ANK3: variants seen among roughly 807,000 people sequenced by gnomAD.
The protein encoded by ANK3 is ankyrin 3.
Under a neutral mutation model 370.9 loss-of-function variants are expected in ANK3, and 57 were observed. That is an observed-to-expected ratio of 0.15 (90% CI 0.12 to 0.19). ANK3 has a LOEUF of 0.19. Ranked by LOEUF, ANK3 falls within the 10% of genes least tolerant of loss-of-function variation. ANK3 has a pLI of 1.00. For synonymous variants in ANK3, 1,929 were observed against 1,946.3 expected, an observed-to-expected ratio of 0.99 and a Z score of 0.23; for missense variants, 4,439 against 5,302.1, an observed-to-expected ratio of 0.84 and a Z score of 5.06.
At chr10:60,542,542 A>G (rs2076873751) in intron 2 of ANK3, among the ~76,000 whole-genome samples, 1 of 152,024 alleles carries the variant, frequency 6.6e-6, no homozygotes, top group Non-Finnish European at 1.5e-5. Context: ...GATAAAAAGA[A>G]AGGGGAAAAA....
intron 1 of ANK3, among the ~76,000 whole-genome samples, chr10:60,317,504 C>T (rs564671421): frequency 4.5e-4 from 69 of 152,036 alleles, no homozygotes; most frequent in Non-Finnish European, 9.1e-4. Context: ...GCACTTAGCA[C>T]CTTCTATTAC....
chr10:60,633,813 G>T (rs148048564), intron 1 of ANK3, among the ~76,000 whole-genome samples: 4 of 152,108 alleles, frequency 2.6e-5, no homozygotes, highest in African/African-American at 9.7e-5. Context: ...TCCATATTGG[G>T]TTCTCTCTTT....
chr10:60,612,654 G>A (rs2133319639), intron 2 of ANK3, among the ~76,000 whole-genome samples: 1 of 152,238 alleles, frequency 6.6e-6, no homozygotes. Context: ...ACCATGCCCG[G>A]CTAATTTTTT....
At chr10:60,550,296 C>A (rs1245495636) in intron 2 of ANK3, among the ~76,000 whole-genome samples, 1 of 151,712 alleles carries the variant, frequency 6.6e-6, no homozygotes, top group Non-Finnish European at 1.5e-5. Flanking sequence ...GATTAAGACA[C>A]ATAAGCAGCT....
intron 1 of ANK3, among the ~76,000 whole-genome samples, chr10:60,300,912 T>C (rs2043556905): frequency 6.6e-6 from 1 of 152,076 alleles, no homozygotes; most frequent in Admixed American, 6.6e-5. Flanking sequence ...TAGACATGTA[T>C]ACCTACAGTT....
chr10:60,059,369 A>G lies in ANK3; in HGVS notation c.12657T>C (p.Thr4219=). ...LESCAQARRV[T]GGLLDRLDDS... is the part of the protein sequence containing the mutation. ...CATCCAGTCGATCTAGTAACCCACC[A>G]GTTACTCTTCGAGCTTGAGCGCAGG... The change falls in exon 41 of 44, where the codon ACT becomes ACC. Residue 4219 remains threonine, a synonymous_variant. Transcript: ENST00000280772. The G allele has an allele frequency of 1.2e-6, 2 of 1,614,010 alleles. No homozygotes were observed. The highest frequency in any genetic ancestry group is 1.7e-6 in the Non-Finnish European group (2 of 1,179,920).
rs1348610187 is a variant in ANK3, at chr10:60,075,576, T to C, written c.5305A>G (p.Thr1769Ala). ...ATDTVEKVFS[T>A]TTAMPFSPLR... is the part of the protein sequence containing the mutation. Reference sequence around the variant, plus strand: ...GGGGAAAATGGCATTGCAGTCGTGGTAGAAAACACTTTCTCAACTGTGTCA... The same window carrying C: ...GGGGAAAATGGCATTGCAGTCGTGGCAGAAAACACTTTCTCAACTGTGTCA... The change falls in exon 37 of 44, where the codon ACC (threonine) becomes GCC (alanine). Residue 1769 changes from threonine to alanine, a missense_variant. Thr to Ala is a moderately conservative substitution (Grantham distance 58, BLOSUM62 0). This residue lies in a region of ANK3 where 679 missense variants were observed against 791.0 expected (regional missense o/e 0.86). Transcript: ENST00000280772. 3 of 1,614,100 alleles carry C rather than the reference T, an allele frequency of 1.9e-6. No homozygotes were observed. Among genetic ancestry groups the C allele is most frequent in the Admixed American group, 1.7e-5 (1 of 59,994 alleles).
intron 2 of ANK3, among the ~76,000 whole-genome samples, chr10:60,412,709 T>C (rs1429711638): frequency 6.6e-6 from 1 of 152,242 alleles, no homozygotes. Flanking sequence ...AGACTGTCTG[T>C]AATTTTCACT....
chr10:60,026,573 A>G lies in ANK3; in HGVS notation c.*3273T>C, dbSNP rs1426393691. ...AGCCAAACGTGAGCTGATGCTGACA[A>G]TAGTTTATTGGCCATGGAGAAAATC... is the stretch of plus-strand genomic sequence containing the variant. On this transcript the variant is annotated 3_prime_UTR_variant, in exon 44 of 44. Coordinates refer to ENST00000280772, the MANE Select transcript of ANK3 (RefSeq NM_020987.5). 6.6e-6 allele frequency: 1 copy of G among 152,228 alleles called. No individual in the cohort carries two copies. The highest frequency in any genetic ancestry group is 2.4e-5 in the African/African-American group (1 of 41,456). The allele number at this position is 152,228 out of a possible 1,614,324, so 9.4% of individuals were successfully genotyped here.
rs577133992 is a variant in ANK3, at chr10:60,029,738, G to A, written c.*108C>T. 11 of 151,620 alleles carry A rather than the reference G, an allele frequency of 7.3e-5. 1 individual carries two copies. The highest frequency in any genetic ancestry group is 1.5e-4 in the Non-Finnish European group (10 of 67,784). 9.4% of individuals were successfully genotyped at this position (151,620 alleles called of 1,614,324 possible). Reference sequence around the variant, plus strand: ...CATGCCATTAATGTGTGGAAGCAGCGAACACACACACACTTCTCGGTGAAT... The same window carrying A: ...CATGCCATTAATGTGTGGAAGCAGCAAACACACACACACTTCTCGGTGAAT... On this transcript the variant is annotated 3_prime_UTR_variant, in exon 44 of 44. Coordinates refer to ENST00000280772, the MANE Select transcript of ANK3 (RefSeq NM_020987.5).
intron 27 of ANK3, among the ~76,000 whole-genome samples, chr10:60,106,306 G>C (rs546456616): frequency 6.6e-6 from 1 of 151,974 alleles, no homozygotes; most frequent in Non-Finnish European, 1.5e-5. Flanking sequence ...GATTTAATGG[G>C]GGAAATTTTT....
chr10:60,591,302 A>T (rs2077907953), intron 2 of ANK3, among the ~76,000 whole-genome samples: 2 of 95,826 alleles, frequency 2.1e-5, no homozygotes, highest in Admixed American at 1.2e-4. Context: ...TTTTATTTTT[A>T]TTTTATTTAT....
intron 1 of ANK3, among the ~76,000 whole-genome samples, chr10:60,307,357 G>A (rs1391570492): frequency 6.6e-6 from 1 of 152,036 alleles, no homozygotes; most frequent in African/African-American, 2.4e-5. Context: ...TATAGAGACA[G>A]AGTCCCAGTC....
At chr10:60,078,040 C>A (rs1457404681) in intron 36 of ANK3, among the ~76,000 whole-genome samples, 1 of 152,228 alleles carries the variant, frequency 6.6e-6, no homozygotes, top group Non-Finnish European at 1.5e-5. Flanking sequence ...TTTGCAAGGC[C>A]TGCCAACGGC....
chr10:60,684,445 G>C, intron 1 of ANK3: 1 of 966,728 alleles, frequency 1.0e-6, no homozygotes, highest in Non-Finnish European at 1.5e-6. Flanking sequence ...CCTACGAAGA[G>C]AAGTCCTAAG....
chr10:60,516,887 C>G (rs890164008), intron 2 of ANK3, among the ~76,000 whole-genome samples: 1 of 152,072 alleles, frequency 6.6e-6, no homozygotes, highest in East Asian at 1.9e-4. Flanking sequence ...AGACAATGCT[C>G]TTCTTAAAAC....
chr10:60,426,393 T>C (rs141663592), intron 2 of ANK3, among the ~76,000 whole-genome samples: 4 of 152,298 alleles, frequency 2.6e-5, no homozygotes, highest in African/African-American at 9.6e-5. Context: ...TAATAACCTA[T>C]ACAAAGCCTC....
intron 1 of ANK3, among the ~76,000 whole-genome samples, chr10:60,302,745 A>T (rs1225936607): frequency 6.6e-6 from 1 of 152,224 alleles, no homozygotes; most frequent in Non-Finnish European, 1.5e-5. Flanking sequence ...AGCAAAAACA[A>T]CAAAGCTAGA....
At chr10:60,526,427 T>C (rs61855293) in intron 2 of ANK3, among the ~76,000 whole-genome samples, 1 of 152,140 alleles carries the variant, frequency 6.6e-6, no homozygotes, top group Non-Finnish European at 1.5e-5. Context: ...TTCTATACAT[T>C]GGAGTCCCTT....
Sources: gnomAD v4.1 joint callset for allele counts (sites outside exome capture counted in the v4.1 genomes callset) on GRCh38, gnomAD v4.1.1 for gene constraint, gnomAD v4.1.1 regional missense constraint, MANE v1.5 for transcripts, NCBI Gene and HGNC (gene_info 2026-07-23, HGNC 2026-07-21) for gene names.